The following TBCK variants were observed in gnomAD, a reference collection of about 807,000 sequenced individuals.
TBCK encodes the protein TBC1 domain containing kinase, also known as TBC domain-containing protein kinase-like protein.
A neutral mutation model predicts 113.4 loss-of-function variants in TBCK; 99 were observed. The ratio of observed to expected loss-of-function variants is 0.87; its 90% CI spans 0.74 to 1.03. The LOEUF (loss-of-function observed/expected upper bound fraction) is 1.03. Ranked by LOEUF, TBCK falls within the 50% of genes least tolerant of loss-of-function variation. The pLI, the probability that TBCK is intolerant of heterozygous loss-of-function variation, is 0.00. For missense variants in TBCK, 1,045 were observed against 1,061.3 expected, an observed-to-expected ratio of 0.98 and a Z score of 0.21; for synonymous variants, 369 against 370.8, an observed-to-expected ratio of 1.00 and a Z score of 0.05.
chr4:106,265,261 G>A (rs1296424127), intron 3 of TBCK, among the ~76,000 whole-genome samples: 1 of 151,700 alleles, frequency 6.6e-6, no homozygotes, highest in Non-Finnish European at 1.5e-5. Context: ...TTTTTTTGAG[G>A]ATATAGCAGG....
At chr4:106,174,365 C>T (rs1751384212) in intron 22 of TBCK, among the ~76,000 whole-genome samples, 1 of 152,046 alleles carries the variant, frequency 6.6e-6, no homozygotes, top group East Asian at 1.9e-4. Context: ...CATTAATCTG[C>T]CCTTGACTGA....
At chr4:106,088,077 TG>T (rs1170674245) in intron 25 of TBCK, among the ~76,000 whole-genome samples, 1 of 152,042 alleles carries the variant, frequency 6.6e-6, no homozygotes, top group East Asian at 1.9e-4. Context: ...CAAAAGCAAT[TG>T]TAACAAAAGC....
In TBCK at chr4:106,250,423, G is replaced by A; in HGVS notation, c.653C>T (p.Thr218Ile). The A allele has an allele frequency of 4.5e-6, 7 of 1,563,336 alleles. No individual in the cohort carries two copies. Among genetic ancestry groups the A allele is most frequent in the Non-Finnish European group, 5.2e-6 (6 of 1,144,118 alleles). The change falls in exon 7 of 26, where the codon ACT becomes ATT. Residue 218 changes from threonine (T) to isoleucine (I), a missense_variant. Physicochemically the swap from Thr to Ile is moderately conservative, Grantham distance 89. Coordinates refer to ENST00000394708, the MANE Select transcript of TBCK (RefSeq NM_001163435.3). Reference sequence around the variant, plus strand: ...AGCAATTGTACGACACTTACCCAAAGTAAGCAAAAATTTTAGTCTTTCAGA... The same window carrying A: ...AGCAATTGTACGACACTTACCCAAAATAAGCAAAAATTTTAGTCTTTCAGA... ...DISERLKFLL[T>I]LDCVDDTLIV...
At chr4:106,059,726 C>T (rs148809864) in intron 25 of TBCK, among the ~76,000 whole-genome samples, 2 of 151,764 alleles carry the variant, frequency 1.3e-5, no homozygotes, top group African/African-American at 4.8e-5. Flanking sequence ...ATAATTTTCA[C>T]TTTAAATAAA....
intron 20 of TBCK, among the ~76,000 whole-genome samples, chr4:106,205,933 C>A (rs1755450411): frequency 6.6e-6 from 1 of 151,896 alleles, no homozygotes; most frequent in Admixed American, 6.6e-5. Context: ...TAAAACAATA[C>A]CACTATTGCA....
At chr4:106,303,338 T>A (rs1340855091) in intron 2 of TBCK, among the ~76,000 whole-genome samples, 1 of 152,162 alleles carries the variant, frequency 6.6e-6, no homozygotes, top group African/African-American at 2.4e-5. Context: ...AAGCCCTTTT[T>A]TCTTTTTTTT....
In TBCK at chr4:106,248,360, A is replaced by G. The variant is rs1761067370; in HGVS notation, c.721-54T>C. 6.4e-6 allele frequency: 8 copies of G among 1,242,014 alleles called. No individual in the cohort carries two copies. The Admixed American group carries it at 1.4e-4, about 21-fold the overall frequency. 76.9% of individuals were successfully genotyped at this position (1,242,014 alleles called of 1,614,324 possible). A position where few individuals can be genotyped will look rare whatever the true frequency, so the allele number is the denominator to read the frequency against. Reference sequence around the variant, plus strand: ...TTAAAATGATCAATTTTAGAAATATACTTTATTCAAATGTTTGCTAATCTA... The same window carrying G: ...TTAAAATGATCAATTTTAGAAATATGCTTTATTCAAATGTTTGCTAATCTA... On this transcript the variant is annotated intron_variant, in intron 8 of 25. Transcript: ENST00000394708.
intron 2 of TBCK, among the ~76,000 whole-genome samples, chr4:106,307,221 C>T (rs1012699748): frequency 1.8e-4 from 28 of 152,138 alleles, no homozygotes; most frequent in African/African-American, 2.4e-4. Context: ...TAATTTCCTT[C>T]GTGTGCCCTT....
intron 23 of TBCK, among the ~76,000 whole-genome samples, chr4:106,124,463 A>G (rs1475211341): frequency 2.0e-5 from 3 of 152,186 alleles, no homozygotes; most frequent in African/African-American, 7.2e-5. Context: ...GGGATCTAGA[A>G]CTAGAAATAC....
intron 24 of TBCK, among the ~76,000 whole-genome samples, chr4:106,109,900 A>G (rs543616000): frequency 1.1e-4 from 16 of 152,340 alleles, no homozygotes; most frequent in African/African-American, 3.8e-4. Flanking sequence ...TTGGACGTCC[A>G]GGAGGTTTTA....
intron 3 of TBCK, among the ~76,000 whole-genome samples, chr4:106,289,743 G>T (rs546226216): frequency 6.6e-6 from 1 of 150,744 alleles, no homozygotes; most frequent in Admixed American, 6.6e-5. Context: ...ACTCCAGCCT[G>T]GGTGACAGAG....
At chr4:106,242,111 GACTT>G (rs760344214) in intron 12 of TBCK, among the ~76,000 whole-genome samples, 17 of 152,034 alleles carry the variant, frequency 1.1e-4, no homozygotes, top group Non-Finnish European at 2.1e-4. Context: ...TATGTGAAAA[GACTT>G]ACAACTGCAC....
intron 23 of TBCK, among the ~76,000 whole-genome samples, chr4:106,127,873 A>G (rs1745419461): frequency 6.6e-6 from 1 of 152,186 alleles, no homozygotes; most frequent in Non-Finnish European, 1.5e-5. Flanking sequence ...AAGGCAAAAA[A>G]AATTGAAAAA....
At chr4:106,204,751 ATTTT>A (rs34775295) in intron 20 of TBCK, among the ~76,000 whole-genome samples, 3 of 87,280 alleles carry the variant, frequency 3.4e-5, no homozygotes, top group South Asian at 4.3e-4. Context: ...ACAAACAATG[ATTTT>A]TTTTTTTTTT....
chr4:106,152,661 C>T (rs1032523287), intron 23 of TBCK, among the ~76,000 whole-genome samples: 5 of 151,976 alleles, frequency 3.3e-5, no homozygotes, highest in African/African-American at 1.2e-4. Context: ...AATTGGTACA[C>T]GTTCTCTTTA....
intron 20 of TBCK, among the ~76,000 whole-genome samples, chr4:106,209,396 T>C (rs1299903937): frequency 6.6e-6 from 1 of 152,180 alleles, no homozygotes; most frequent in Non-Finnish European, 1.5e-5. Context: ...ATATGACCAA[T>C]ACAATAGAAG....
intron 23 of TBCK, among the ~76,000 whole-genome samples, chr4:106,124,813 G>C (rs1258574114): frequency 1.3e-5 from 2 of 151,588 alleles, no homozygotes; most frequent in African/African-American, 4.9e-5. Flanking sequence ...AAATCACATG[G>C]ACATAGGAAG....
intron 19 of TBCK, among the ~76,000 whole-genome samples, chr4:106,228,193 G>T (rs1470198858): frequency 6.6e-5 from 10 of 151,972 alleles, no homozygotes; most frequent in Admixed American, 4.6e-4. Context: ...CAGGGAAAAT[G>T]AGGTATCCAT....
intron 25 of TBCK, among the ~76,000 whole-genome samples, chr4:106,091,536 T>G (rs1220706262): frequency 6.6e-6 from 1 of 152,082 alleles, no homozygotes; most frequent in African/African-American, 2.4e-5. Context: ...TTCCTTCTGG[T>G]GGGTTCGTGG....
Sources: gnomAD v4.1 joint callset for allele counts (sites outside exome capture counted in the v4.1 genomes callset) on GRCh38, gnomAD v4.1.1 for gene constraint, MANE v1.5 for transcripts, NCBI Gene and HGNC (gene_info 2026-07-23, HGNC 2026-07-21) for gene names.